Variants in CISD3 observed in about 807,000 individuals in gnomAD.
CISD3 encodes CDGSH iron-sulfur domain-containing protein 3, mitochondrial.
In CISD3, 11 loss-of-function variants were observed where a neutral mutation model predicts 14.1. The ratio of observed to expected loss-of-function variants is 0.78; its 90% CI spans 0.49 to 1.29. CISD3 has a LOEUF of 1.29. Among genes scored for constraint, CISD3 ranks in the 50% most tolerant of loss-of-function variants. CISD3 has a pLI of 0.00. For missense variants in CISD3, 156 were observed against 171.6 expected (o/e 0.91, Z 0.51); for synonymous variants, 53 against 69.2 (o/e 0.77, Z 1.16).
intron 2 of CISD3, 89 bp from the exon 3 acceptor site, chr17:38,731,231 G>A (rs564579070): frequency 1.3e-6 from 2 of 1,503,054 alleles, no homozygotes; most frequent in African/African-American, 1.4e-5. Flanking sequence ...CACACACACA[G>A]GCCAGTGGGA....
intron 3 of CISD3, 137 bp downstream of exon 3, chr17:38,731,576 C>A: frequency 1.8e-6 from 2 of 1,100,868 alleles, no homozygotes; most frequent in African/African-American, 1.6e-5. Context: ...GAACAAAAGG[C>A]CAGTGCCACC....
Position 38,730,357 on chromosome 17 carries a change from C to T in CISD3, c.-2C>T. On this transcript the variant is annotated 5_prime_UTR_variant, in exon 1 of 4. Coordinates refer to ENST00000613478, the MANE Select transcript of CISD3 (RefSeq NM_001136498.2). ...CGGGCGGGCGCGGCGCGGGAGGCGACCATGCGCGGCGCGGGGGCGATCCTG... is the reference window on the plus strand; with the variant it reads ...CGGGCGGGCGCGGCGCGGGAGGCGATCATGCGCGGCGCGGGGGCGATCCTG... 6 of 1,159,670 alleles carry T rather than the reference C, an allele frequency of 5.2e-6. No individual in the cohort carries two copies. The South Asian group carries it at 2.5e-4, about 49-fold the overall frequency. The allele number at this position is 1,159,670 out of a possible 1,614,324, so 71.8% of individuals were successfully genotyped here.
rs1196763991 is a variant in CISD3 at position 38,733,422 on chromosome 17, C to A, written c.351C>A (p.Arg117=). ...GCGATGGCACCCACAGGAGTGAGCG[C>A]GTGCAGAAGGCAGAAGTGGGCTCCC... The part of the protein sequence containing the change: ...PYCDGTHRSE[R]VQKAEVGSPL The change falls in exon 4 of 4, where the codon CGC becomes CGA. Residue 117 remains arginine (R), a synonymous_variant. Transcript: ENST00000613478. 2.6e-6 allele frequency: 4 copies of A among 1,547,430 alleles called. No individual in the cohort carries two copies. The highest frequency in any genetic ancestry group is 3.5e-6 in the Non-Finnish European group (4 of 1,144,080).
intron 1 of CISD3, 74 bp downstream of exon 1, chr17:38,730,480 C>T: frequency 2.6e-6 from 3 of 1,167,486 alleles, no homozygotes; most frequent in South Asian, 1.7e-5. Flanking sequence ...ACTCCAGCCC[C>T]GGCCCGGCCG....
At chr17:38,731,015 GGCCCT>G in intron 2 of CISD3, 1 of 637,862 alleles carries the variant, frequency 1.6e-6, no homozygotes, top group Admixed American at 2.9e-5. Flanking sequence ...CAGTGTGGGT[GGCCCT>G]GCCGTAGGCT....
chr17:38,730,353 G>A lies in CISD3; in HGVS notation c.-6G>A, dbSNP rs1308219075. The A allele has an allele frequency of 3.5e-6, 4 of 1,147,334 alleles. No homozygotes were observed. Among genetic ancestry groups the A allele is most frequent in the African/African-American group, 3.3e-5 (2 of 61,066 alleles). 71.1% of individuals were successfully genotyped at this position (1,147,334 alleles called of 1,614,324 possible). A position where few individuals can be genotyped will look rare whatever the true frequency, so the allele number is the denominator to read the frequency against. ...CCAGCGGGCGGGCGCGGCGCGGGAG[G>A]CGACCATGCGCGGCGCGGGGGCGAT... On this transcript the variant is annotated 5_prime_UTR_variant, in exon 1 of 4. Coordinates refer to ENST00000613478, the MANE Select transcript of CISD3 (RefSeq NM_001136498.2).
rs1215125469 is a variant in CISD3 at position 38,734,582 on chromosome 17, AGAG to A, written c.*1135_*1137del. The A allele has an allele frequency of 6.6e-6, 1 of 152,348 alleles. No individual in the cohort carries two copies. The highest frequency in any genetic ancestry group is 1.5e-5 in the Non-Finnish European group (1 of 68,018). The allele number at this position is 152,348 out of a possible 1,614,324, so 9.4% of individuals were successfully genotyped here. ...TTCTTTGCACAAAGTTTCCACTGCA[AGAG>A]GAGGAGGTGATGCAGGTGCCACCTC... On this transcript the variant is annotated 3_prime_UTR_variant, in exon 4 of 4. Transcript: ENST00000613478.
chr17:38,734,370 C>T lies in CISD3; in HGVS notation c.*915C>T, dbSNP rs111988561. ...CTAGGCCCCAGGTGAGACTCCACCA[C>T]CAGTCCTGCTAGTGAGGGTTCCCCG... On this transcript the variant is annotated 3_prime_UTR_variant, in exon 4 of 4. Transcript: ENST00000613478. 2,018 of 152,642 alleles carry T rather than the reference C, an allele frequency of 0.013. 41 individuals carry two copies. Among genetic ancestry groups the T allele is most frequent in the African/African-American group, 0.046 (1,912 of 41,506 alleles). The allele number at this position is 152,642 out of a possible 1,614,324, so 9.5% of individuals were successfully genotyped here. A position where few individuals can be genotyped will look rare whatever the true frequency, so the allele number is the denominator to read the frequency against.
chr17:38,733,750 T>G lies in CISD3; in HGVS notation c.*295T>G. The G allele has an allele frequency of 2.7e-6, 1 of 364,056 alleles. No homozygotes were observed. Among genetic ancestry groups the G allele is most frequent in the Non-Finnish European group, 5.0e-6 (1 of 201,754 alleles). The allele number at this position is 364,056 out of a possible 1,614,324, so 22.6% of individuals were successfully genotyped here. On this transcript the variant is annotated 3_prime_UTR_variant, in exon 4 of 4. Transcript: ENST00000613478. ...ACGTGCTGCCTCCTGCTCCAGATTT[T>G]AACCTCTCTGTGGGCTGGGGGCACC...
chr17:38,731,782 C>T, intron 3 of CISD3: 1 of 281,242 alleles, frequency 3.6e-6, no homozygotes, highest in Non-Finnish European at 6.9e-6. Context: ...GCCACAGATT[C>T]CCAGGCCTTG....
In CISD3 at chr17:38,734,996, A is replaced by C; in HGVS notation, c.*1541A>C. On this transcript the variant is annotated 3_prime_UTR_variant, in exon 4 of 4. Transcript: ENST00000613478. ...ATTTTCCACACATACACACACACAT[A>C]AAGTTTGTTTCCTGTGGCATTTAAA... is the stretch of plus-strand genomic sequence containing the variant. 5.6e-6 allele frequency: 2 copies of C among 355,016 alleles called. No homozygotes were observed. Among genetic ancestry groups the C allele is most frequent in the Non-Finnish European group, 5.0e-6 (1 of 199,622 alleles). The allele number at this position is 355,016 out of a possible 1,614,324, so 22.0% of individuals were successfully genotyped here.
chr17:38,730,438 C>T, intron 1 of CISD3, 32 bp downstream of exon 1: 1 of 1,311,190 alleles, frequency 7.6e-7, no homozygotes, highest in Non-Finnish European at 9.8e-7. Context: ...CAGCCCCCGT[C>T]CCGAACCCCA....
Position 38,734,500 on chromosome 17 carries a change from T to A in CISD3, c.*1045T>A, listed in dbSNP as rs148289101. 8 of 141,794 alleles carry A rather than the reference T, an allele frequency of 5.6e-5. No individual in the cohort carries two copies. The highest frequency in any genetic ancestry group is 1.1e-4 in the Non-Finnish European group (7 of 65,718). The allele number at this position is 141,794 out of a possible 1,614,324, so 8.8% of individuals were successfully genotyped here. ...GGCCTGAATCTTCTTTTCCACAAGATAAATGATGCAAAGGCCACACACACA... is the reference window on the plus strand; with the variant it reads ...GGCCTGAATCTTCTTTTCCACAAGAAAAATGATGCAAAGGCCACACACACA... On this transcript the variant is annotated 3_prime_UTR_variant, in exon 4 of 4. Coordinates refer to ENST00000613478, the MANE Select transcript of CISD3 (RefSeq NM_001136498.2).
In CISD3 at chr17:38,734,993, CAT is replaced by C. The variant is rs1031238778; in HGVS notation, c.*1540_*1541del. ...ACCATTTTCCACACATACACACACA[CAT>C]AAAGTTTGTTTCCTGTGGCATTTAA... On this transcript the variant is annotated 3_prime_UTR_variant, in exon 4 of 4. Coordinates refer to ENST00000613478, the MANE Select transcript of CISD3 (RefSeq NM_001136498.2). 4.7e-5 allele frequency: 18 copies of C among 382,538 alleles called. No individual in the cohort carries two copies. Among genetic ancestry groups the C allele is most frequent in the African/African-American group, 3.7e-4 (18 of 48,212 alleles). The allele number at this position is 382,538 out of a possible 1,614,324, so 23.7% of individuals were successfully genotyped here. A position where few individuals can be genotyped will look rare whatever the true frequency, so the allele number is the denominator to read the frequency against.
intron 1 of CISD3, 69 bp from the exon 2 acceptor site, chr17:38,730,691 C>T (rs2143730565): frequency 6.7e-7 from 1 of 1,491,848 alleles, no homozygotes; most frequent in African/African-American, 1.4e-5. Flanking sequence ...CCTTCCCTTT[C>T]CACTGATTTT....
Position 38,735,148 on chromosome 17 carries a change from A to T in CISD3, c.*1693A>T. ...TGGGAAGAGCTGGGGAAAGTAGAAG[A>T]GGTGGAAAAAAGGGCCCAGAAAAAG... On this transcript the variant is annotated 3_prime_UTR_variant, in exon 4 of 4. Transcript: ENST00000613478. 8.8e-7 allele frequency: 1 copy of T among 1,139,124 alleles called. No individual in the cohort carries two copies. The highest frequency in any genetic ancestry group is 1.2e-6 in the Non-Finnish European group (1 of 869,412). The allele number at this position is 1,139,124 out of a possible 1,614,324, so 70.6% of individuals were successfully genotyped here. A position where few individuals can be genotyped will look rare whatever the true frequency, so the allele number is the denominator to read the frequency against.
chr17:38,730,940 A>AG, intron 2 of CISD3, 145 bp downstream of exon 2: 1 of 885,076 alleles, frequency 1.1e-6, no homozygotes, highest in Non-Finnish European at 1.8e-6. Context: ...GGGGCGGACC[A>AG]GAGGGCACTG....
rs1380321881 is a variant in CISD3 at position 38,735,570 on chromosome 17, G to A, written c.*2115G>A. On this transcript the variant is annotated 3_prime_UTR_variant, in exon 4 of 4. Coordinates refer to ENST00000613478, the MANE Select transcript of CISD3 (RefSeq NM_001136498.2). ...AGGGTGAGCCGCTTGCAGGCTGGCTGGACACGGTACTTGAGGGGGAGAGGC... is the reference window on the plus strand; with the variant it reads ...AGGGTGAGCCGCTTGCAGGCTGGCTAGACACGGTACTTGAGGGGGAGAGGC... 1 of 1,583,998 alleles carries A rather than the reference G, an allele frequency of 6.3e-7. No individual in the cohort carries two copies.
In CISD3 at chr17:38,730,818, C is replaced by A. The variant is rs918948342; in HGVS notation, c.84+23C>A. 6.4e-6 allele frequency: 10 copies of A among 1,550,390 alleles called. No individual in the cohort carries two copies. In the Admixed American group the frequency reaches 1.2e-4, roughly 18 times the overall value. ...CTGGTGAGTCCCCCCATCCTCCCCT[C>A]CTCCTCGCACAAGACCCCCAGGCAC... On this transcript the variant is annotated intron_variant, in intron 2 of 3. Transcript: ENST00000613478.
Sources: gnomAD v4.1 joint callset for allele counts on GRCh38, gnomAD v4.1.1 for gene constraint, MANE v1.5 for transcripts, NCBI Gene and HGNC (gene_info 2026-07-23, HGNC 2026-07-21) for gene names.